KAZN: variants seen among roughly 807,000 people sequenced by gnomAD.
KAZN encodes kazrin.
KAZN carries 40 observed loss-of-function variants against 87.4 expected under a neutral mutation model. The ratio of observed to expected loss-of-function variants is 0.46; its 90% confidence interval spans 0.36 to 0.60. The LOEUF (loss-of-function observed/expected upper bound fraction) is 0.60. Among genes scored for constraint, KAZN ranks in the 20% least tolerant of loss-of-function variants. The pLI is 0.00. For missense variants in KAZN, 898 were observed against 1,073.9 expected (o/e 0.84, Z 2.29); for synonymous variants, 466 against 458.3 (o/e 1.02, Z -0.22).
At chr1:14,178,117 G>T (rs968874905) in intron 1 of KAZN, among the ~76,000 whole-genome samples, 25 of 152,004 alleles carry the variant, frequency 1.6e-4, no homozygotes, top group African/African-American at 5.6e-4. Flanking sequence ...CATTTCCCCT[G>T]CTGGCACTCA....
rs556317247 is a variant in KAZN at position 14,663,938 on chromosome 1, G to A, written c.226+64715G>A. 3.3e-5 allele frequency among the ~76,000 whole-genome samples: 5 copies of A among 152,262 alleles called. No homozygotes were observed. In the East Asian group the frequency reaches 5.8e-4, roughly 18 times the overall value. On this transcript the variant is annotated intron_variant, in intron 1 of 14. Coordinates refer to ENST00000376030, the MANE Select transcript of KAZN (RefSeq NM_201628.3). Reference sequence around the variant, plus strand: ...ACAACCCAAGTGTCCGTCAACAAACGAGTGGATCAGCAAAATGTGTTCTGT... The same window carrying A: ...ACAACCCAAGTGTCCGTCAACAAACAAGTGGATCAGCAAAATGTGTTCTGT...
At chr1:14,140,868 AAG>A (rs2101765574) in intron 1 of KAZN, among the ~76,000 whole-genome samples, 1 of 152,262 alleles carries the variant, frequency 6.6e-6, no homozygotes, top group African/African-American at 2.4e-5. Context: ...TCTGGGAAGA[AAG>A]ACGTCCTGTC....
intron 1 of KAZN, among the ~76,000 whole-genome samples, chr1:14,099,883 C>T (rs72862537): frequency 1.9e-3 from 289 of 152,200 alleles, no homozygotes; most frequent in Non-Finnish European, 3.1e-3. Context: ...ACAGTGCAAG[C>T]GATGAGCAAC....
intron 1 of KAZN, among the ~76,000 whole-genome samples, chr1:14,882,699 C>T (rs756528836): frequency 3.3e-5 from 5 of 152,096 alleles, no homozygotes; most frequent in South Asian, 4.1e-4. Flanking sequence ...GAGGGCTAGA[C>T]GGAATGCTTG....
intron 4 of KAZN, among the ~76,000 whole-genome samples, chr1:15,054,365 A>G (rs1286783823): frequency 5.9e-5 from 9 of 152,100 alleles, no homozygotes; most frequent in Admixed American, 5.2e-4. Flanking sequence ...GCCAATCAGA[A>G]GTAGAAAATG....
At chr1:15,055,818 C>T (rs538612098) in intron 4 of KAZN, among the ~76,000 whole-genome samples, 1 of 152,352 alleles carries the variant, frequency 6.6e-6, no homozygotes, top group South Asian at 2.1e-4. Flanking sequence ...TTGATCCTGG[C>T]TCTGCCACTT....
intron 1 of KAZN, among the ~76,000 whole-genome samples, chr1:14,620,438 A>ACCTCCATTTTG (rs1373379477): frequency 3.3e-5 from 5 of 152,068 alleles, no homozygotes; most frequent in Non-Finnish European, 5.9e-5. Context: ...TATTGATGCA[A>ACCTCCATTTTG]CCTCCACTTT....
intron 1 of KAZN, among the ~76,000 whole-genome samples, chr1:14,686,649 C>T (rs1346990568): frequency 6.6e-6 from 1 of 152,248 alleles, no homozygotes; most frequent in Non-Finnish European, 1.5e-5. Context: ...TCTAGGCACC[C>T]TCCCTCAGCT....
At chr1:14,248,400 A>G (rs761848471) in intron 2 of KAZN, among the ~76,000 whole-genome samples, 3 of 152,334 alleles carry the variant, frequency 2.0e-5, no homozygotes, top group Admixed American at 1.3e-4. Flanking sequence ...ATTATAAAGC[A>G]TGGTGTCTGT....
intron 1 of KAZN, among the ~76,000 whole-genome samples, chr1:14,794,437 A>G (rs1245137417): frequency 6.6e-6 from 1 of 152,168 alleles, no homozygotes; most frequent in Non-Finnish European, 1.5e-5. Context: ...GTGGGCCTTT[A>G]TCTTCCTGAA....
At position 13,951,238 on chromosome 1, in the gene KAZN, T is replaced by A. The variant is rs145271826; in HGVS notation, c.91+57482T>A. Among the ~76,000 whole-genome samples, 10 of 152,196 alleles carry A rather than the reference T, an allele frequency of 6.6e-5. No individual in the cohort carries two copies. In the East Asian group the frequency reaches 1.7e-3, roughly 27 times the overall value. ...CTCCCGGAGAGGCAGCAAGGCATAGTGTGGTAAGGGACATGGGACCTGGAG... is the reference window on the plus strand; with the variant it reads ...CTCCCGGAGAGGCAGCAAGGCATAGAGTGGTAAGGGACATGGGACCTGGAG... On this transcript the variant is annotated intron_variant, in intron 1 of 16. Coordinates refer to the KAZN transcript ENST00000636203.
rs147433393 is a variant in KAZN at position 14,702,685 on chromosome 1, G to A, written c.226+103462G>A. Among the ~76,000 whole-genome samples the A allele has an allele frequency of 3.0e-3, 457 of 152,276 alleles. 3 individuals carry two copies. Among genetic ancestry groups the A allele is most frequent in the African/African-American group, 0.011 (451 of 41,560 alleles). Reference sequence around the variant, plus strand: ...CACCGAACTCAACTCACAGTCTTCAGTCTTCTGTCTGGTATTCTTTTTGAG... The same window carrying A: ...CACCGAACTCAACTCACAGTCTTCAATCTTCTGTCTGGTATTCTTTTTGAG... On this transcript the variant is annotated intron_variant, in intron 1 of 14. Coordinates refer to ENST00000376030, the MANE Select transcript of KAZN (RefSeq NM_201628.3).
chr1:14,027,902 T>C (rs558203734), intron 1 of KAZN, among the ~76,000 whole-genome samples: 3 of 152,320 alleles, frequency 2.0e-5, no homozygotes, highest in East Asian at 1.9e-4. Flanking sequence ...GGGTTAGTCA[T>C]AGAGAAGAGT....
chr1:14,436,730 A>C (rs9701499), intron 2 of KAZN, among the ~76,000 whole-genome samples: 9 of 150,266 alleles, frequency 6.0e-5, no homozygotes, highest in Non-Finnish European at 8.9e-5. Context: ...AAAAAAAAAA[A>C]AAAAAAAACC....
At chr1:14,689,575 G>A (rs1392795315) in intron 1 of KAZN, among the ~76,000 whole-genome samples, 4 of 152,184 alleles carry the variant, frequency 2.6e-5, no homozygotes, top group Admixed American at 6.5e-5. Context: ...ATTACTCCTA[G>A]GCAGGATTCC....
intron 2 of KAZN, among the ~76,000 whole-genome samples, chr1:14,381,136 T>C (rs988961003): frequency 6.6e-6 from 1 of 152,114 alleles, no homozygotes; most frequent in Non-Finnish European, 1.5e-5. Context: ...TGTGTATATA[T>C]AGACAAAAAC....
At chr1:14,793,123 G>C (rs1471295751) in intron 1 of KAZN, among the ~76,000 whole-genome samples, 2 of 152,158 alleles carry the variant, frequency 1.3e-5, no homozygotes, top group Non-Finnish European at 2.9e-5. Flanking sequence ...GATAGGAATG[G>C]ACCCCCGACT....
At chr1:14,747,902 G>A (rs1218744531) in intron 1 of KAZN, among the ~76,000 whole-genome samples, 2 of 152,150 alleles carry the variant, frequency 1.3e-5, no homozygotes, top group Non-Finnish European at 2.9e-5. Flanking sequence ...AGTGGTATTC[G>A]GCTTATATTT....
intron 1 of KAZN, among the ~76,000 whole-genome samples, chr1:14,162,820 A>AGGC (rs1169977852): frequency 1.3e-5 from 2 of 152,138 alleles, no homozygotes; most frequent in African/African-American, 4.8e-5. Context: ...CTGGGATTAC[A>AGGC]GGCGTGAGCC....
Sources: allele counts gnomAD v4.1 joint callset (sites outside exome capture counted in the v4.1 genomes callset), GRCh38; gene constraint gnomAD v4.1.1; transcripts MANE v1.5; gene names NCBI Gene and HGNC (gene_info 2026-07-23, HGNC 2026-07-21).